RPN2: variants seen among roughly 807,000 people sequenced by gnomAD.
The protein encoded by RPN2 is dolichyl-diphosphooligosaccharide--protein glycosyltransferase subunit 2.
A neutral mutation model predicts 71.4 loss-of-function variants in RPN2; 29 were observed. The observed-to-expected ratio is 0.41, with a 90% CI of 0.30 to 0.55. The LOEUF (loss-of-function observed/expected upper bound fraction) is 0.55, where lower values mean the gene tolerates loss of function less well. Among genes scored for constraint, RPN2 ranks in the 20% least tolerant of loss-of-function variants. The pLI, the probability that RPN2 is intolerant of heterozygous loss-of-function variation, is 0.35. For synonymous variants in RPN2, 308 were observed against 305.0 expected (o/e 1.01, Z -0.10); for missense variants, 726 against 774.1 (o/e 0.94, Z 0.74).
chr20:37,236,811 T>C (rs1446221431), intron 16 of RPN2, 102 bp downstream of exon 16: 2 of 1,231,104 alleles, frequency 1.6e-6, no homozygotes, highest in South Asian at 1.2e-5. Context: ...TTTGTGTTCT[T>C]AGGGGCAAGT....
chr20:37,179,391 T>TAGACAGGGCCCCGCGGCCGGCACTCTTG lies in RPN2; in HGVS notation c.13+22_13+23insAGACAGGGCCCCGCGGCCGGCACTCTTG. 2 of 94,412 alleles carry TAGACAGGGCCCCGCGGCCGGCACTCTTG rather than the reference T, an allele frequency of 2.1e-5. 1 individual carries two copies. The highest frequency in any genetic ancestry group is 2.7e-5 in the Non-Finnish European group (2 of 75,156). 5.8% of individuals were successfully genotyped at this position (94,412 alleles called of 1,614,324 possible). A position where few individuals can be genotyped will look rare whatever the true frequency, so the allele number is the denominator to read the frequency against. On this transcript the variant is annotated intron_variant, in intron 1 of 16. Transcript: ENST00000237530. ...CCGGGTGAGGAGTTGCGCGTGGCTT[T>TAGACAGGGCCCCGCGGCCGGCACTCTTG]GGGGAGAGGGCTGTCGCCCGCGGGA...
At chr20:37,212,083 T>C (rs1172729429) in intron 8 of RPN2, among the ~76,000 whole-genome samples, 3 of 152,290 alleles carry the variant, frequency 2.0e-5, no homozygotes, top group Non-Finnish European at 4.4e-5. Flanking sequence ...ACAATGATTT[T>C]TAATGGCTGC....
rs376754280 is a variant in RPN2, at chr20:37,207,274, A to G, written c.692A>G (p.Asp231Gly). 3 of 1,613,436 alleles carry G rather than the reference A, an allele frequency of 1.9e-6. No individual in the cohort carries two copies. The highest frequency in any genetic ancestry group is 2.5e-6 in the Non-Finnish European group (3 of 1,179,354). ...HVGTEPSIKEDQVIQLMNAIF... is the reference protein window; with the variant it reads ...HVGTEPSIKEGQVIQLMNAIF... ...AGCTGCATTTCGCATTTCTTTCAGG[A>G]TCAGGTCATCCAGCTGATGAACGCG... is the stretch of plus-strand genomic sequence containing the variant. Residue 231 changes from aspartate (D) to glycine (G), a missense_variant and splice_region_variant, in exon 7 of 17, where the codon GAT becomes GGT. Physicochemically the swap from Asp to Gly is moderately conservative, Grantham distance 94. Coordinates refer to ENST00000237530, the MANE Select transcript of RPN2 (RefSeq NM_002951.5).
intron 15 of RPN2, among the ~76,000 whole-genome samples, chr20:37,235,526 C>T (rs2068360490): frequency 6.6e-6 from 1 of 152,232 alleles, no homozygotes; most frequent in African/African-American, 2.4e-5. Context: ...CCTTTTCACT[C>T]AGCCTTCTTC....
intron 4 of RPN2, among the ~76,000 whole-genome samples, chr20:37,201,950 A>G (rs913672096): frequency 6.6e-6 from 1 of 152,256 alleles, no homozygotes; most frequent in African/African-American, 2.4e-5. Flanking sequence ...ATCATCTGCT[A>G]TATATTAGCA....
At chr20:37,188,503 G>C (rs183190818) in intron 2 of RPN2, among the ~76,000 whole-genome samples, 8 of 151,948 alleles carry the variant, frequency 5.3e-5, no homozygotes, top group African/African-American at 1.9e-4. Context: ...TTTGCTGTCT[G>C]TTGTTCAGTG....
intron 2 of RPN2, among the ~76,000 whole-genome samples, chr20:37,188,043 G>T (rs2067051363): frequency 6.6e-6 from 1 of 151,952 alleles, no homozygotes. Context: ...ATTTTAATAT[G>T]CATCCTTAAT....
rs544638679 is a variant in RPN2 at position 37,196,122 on chromosome 20, C to T, written c.208-2275C>T. On this transcript the variant is annotated intron_variant, in intron 2 of 16. Coordinates refer to ENST00000237530, the MANE Select transcript of RPN2 (RefSeq NM_002951.5). ...TCGTCCAGGCTGGAGTGCAGTGGCACGATCTCGGCTCACTGCAACCTCTGC... is the reference window on the plus strand; with the variant it reads ...TCGTCCAGGCTGGAGTGCAGTGGCATGATCTCGGCTCACTGCAACCTCTGC... Among the ~76,000 whole-genome samples the T allele has an allele frequency of 4.6e-5, 7 of 152,082 alleles. 1 individual carries two copies. The highest frequency in any genetic ancestry group is 6.5e-5 in the Admixed American group (1 of 15,280).
intron 4 of RPN2, chr20:37,200,367 T>TA (rs1165677713): frequency 2.4e-5 from 10 of 419,726 alleles, no homozygotes; most frequent in Non-Finnish European, 4.4e-5. Context: ...TTTTTTTTTT[T>TA]AACACTTAAA....
intron 8 of RPN2, among the ~76,000 whole-genome samples, chr20:37,210,842 TTTATAA>T (rs1568980954): frequency 6.6e-6 from 1 of 151,882 alleles, no homozygotes; most frequent in Non-Finnish European, 1.5e-5. Flanking sequence ...TTGCTAACAT[TTTATAA>T]TTTTTTTTTG....
chr20:37,184,182 T>A lies in RPN2; in HGVS notation c.16T>A (p.Ser6Thr). ...CTGAATGGTTGTTTCCCCCCAAGGT[T>A]CAAGCACTGTCTTCCTGTTGGCCCT... MAPPG[S>T]STVFLLALTI... Residue 6 changes from serine to threonine, a missense_variant and splice_region_variant, in exon 2 of 17, where the codon TCA becomes ACA. By Grantham distance (58) the Ser-to-Thr change is moderately conservative. Transcript: ENST00000237530. The A allele has an allele frequency of 6.2e-7, 1 of 1,614,106 alleles. No homozygotes were observed. Among genetic ancestry groups the A allele is most frequent in the Non-Finnish European group, 8.5e-7 (1 of 1,179,996 alleles).
intron 2 of RPN2, among the ~76,000 whole-genome samples, chr20:37,194,738 T>G (rs1327050786): frequency 6.6e-6 from 1 of 151,704 alleles, no homozygotes; most frequent in Non-Finnish European, 1.5e-5. Flanking sequence ...CAGAGATGGG[T>G]GGGGAAGTGC....
Position 37,241,346 on chromosome 20 carries a change from T to C in RPN2, c.*31T>C. ...GAAGAAAGATGGAAATTCTGAAAAC[T>C]GAATGTCAAGAAAAGGAGTCAAGAA... On this transcript the variant is annotated 3_prime_UTR_variant, in exon 17 of 17. Coordinates refer to ENST00000237530, the MANE Select transcript of RPN2 (RefSeq NM_002951.5). The C allele has an allele frequency of 6.2e-7, 1 of 1,610,720 alleles. No individual in the cohort carries two copies. The highest frequency in any genetic ancestry group is 8.5e-7 in the Non-Finnish European group (1 of 1,178,020).
intron 8 of RPN2, among the ~76,000 whole-genome samples, chr20:37,213,117 CTT>C (rs2067715450): frequency 1.3e-5 from 2 of 152,166 alleles, no homozygotes; most frequent in South Asian, 4.1e-4. Flanking sequence ...ACACCAACCT[CTT>C]TGTACATTTT....
rs76275452 is a variant in RPN2, at chr20:37,195,693, G to C, written c.208-2704G>C. ...TAGAAGTAGAGGTAGTCATTGTTTT[G>C]GGGTCTCCAGTGTTGTCGTTCCATT... On this transcript the variant is annotated intron_variant, in intron 2 of 16. Coordinates refer to ENST00000237530, the MANE Select transcript of RPN2 (RefSeq NM_002951.5). Among the ~76,000 whole-genome samples, 783 of 152,242 alleles carry C rather than the reference G, an allele frequency of 5.1e-3. 5 individuals are homozygous for C. Among genetic ancestry groups the C allele is most frequent in the African/African-American group, 0.018 (746 of 41,538 alleles).
chr20:37,241,165 G>A (rs2068539677), intron 16 of RPN2, 138 bp from the exon 17 acceptor site: 1 of 963,988 alleles, frequency 1.0e-6, no homozygotes, highest in Non-Finnish European at 1.6e-6. Context: ...AATAGACTTG[G>A]GAGATAAATG....
At chr20:37,184,086 T>G in intron 1 of RPN2, 94 bp from the exon 2 acceptor site, 1 of 1,461,218 alleles carries the variant, frequency 6.8e-7, no homozygotes, top group Non-Finnish European at 9.6e-7. Flanking sequence ...CCCCATGTGA[T>G]TTGGTTCCCA....
At chr20:37,180,044 A>G (rs768227288) in intron 1 of RPN2, among the ~76,000 whole-genome samples, 5 of 152,240 alleles carry the variant, frequency 3.3e-5, no homozygotes, top group Non-Finnish European at 7.3e-5. Context: ...CTAGGTAAGA[A>G]CTAAGTTAAC....
At chr20:37,204,449 G>A (rs1343906967) in intron 5 of RPN2, among the ~76,000 whole-genome samples, 7 of 152,216 alleles carry the variant, frequency 4.6e-5, no homozygotes, top group Admixed American at 3.9e-4. Flanking sequence ...TGGGTGCACA[G>A]CAGCCTGGCC....
Sources: allele counts gnomAD v4.1 joint callset (sites outside exome capture counted in the v4.1 genomes callset), GRCh38; gene constraint gnomAD v4.1.1; transcripts MANE v1.5; gene names NCBI Gene and HGNC (gene_info 2026-07-23, HGNC 2026-07-21).